Variants in SHISA9 observed in about 807,000 individuals in gnomAD.
SHISA9 encodes protein shisa-9.
Under a neutral mutation model 38.0 loss-of-function variants are expected in SHISA9, and 13 were observed. The observed-to-expected ratio is 0.34, with a 90% confidence interval of 0.22 to 0.54. SHISA9 has a LOEUF of 0.54. Among genes scored for constraint, SHISA9 ranks in the 20% least tolerant of loss-of-function variants. SHISA9 has a pLI of 0.91. For missense variants in SHISA9, 538 were observed against 575.8 expected (o/e 0.93, Z 0.67); for synonymous variants, 275 against 242.0 (o/e 1.14, Z -1.27).
intron 2 of SHISA9, among the ~76,000 whole-genome samples, chr16:13,138,721 T>C (rs2050371754): frequency 6.6e-6 from 1 of 152,216 alleles, no homozygotes; most frequent in South Asian, 2.1e-4. Context: ...ACATATCATC[T>C]CTTGTTCACA....
rs142083029 is a variant in SHISA9 at position 12,997,367 on chromosome 16, C to T, written c.691+80552C>T. Among the ~76,000 whole-genome samples, 189 of 149,958 alleles carry T rather than the reference C, an allele frequency of 1.3e-3. 1 individual carries two copies. Among genetic ancestry groups the T allele is most frequent in the African/African-American group, 4.2e-3 (172 of 40,994 alleles). ...ATACTGCAATTATCTATATAGTCTC[C>T]TGTTGACGACATTTGACATGTTTCC... On this transcript the variant is annotated intron_variant, in intron 2 of 4. Transcript: ENST00000558583.
the SHISA9 span, chr16:13,458,348 G>T: frequency 2.9e-6 from 1 of 339,876 alleles, no homozygotes; most frequent in South Asian, 2.5e-5. Context: ...CGTGATCACT[G>T]ATTTGGACCA....
the SHISA9 span, among the ~76,000 whole-genome samples, chr16:13,543,217 T>A: frequency 2.0e-5 from 3 of 152,146 alleles, no homozygotes; most frequent in Non-Finnish European, 2.9e-5. Context: ...AAGAAGATAA[T>A]TATATACAGT....
chr16:12,940,495 A>C (rs1045123768), intron 2 of SHISA9, among the ~76,000 whole-genome samples: 5 of 150,386 alleles, frequency 3.3e-5, no homozygotes, highest in African/African-American at 1.2e-4. Context: ...TTAAATGTCA[A>C]GCCAATCAGG....
chr16:13,137,524 C>G (rs1273024057), intron 2 of SHISA9, among the ~76,000 whole-genome samples: 1 of 148,372 alleles, frequency 6.7e-6, no homozygotes, highest in Non-Finnish European at 1.5e-5. Flanking sequence ...GGTGAGATCT[C>G]GGCTCACTGC....
At chr16:13,229,858 C>T (rs1461999616) in intron 4 of SHISA9, among the ~76,000 whole-genome samples, 1 of 152,168 alleles carries the variant, frequency 6.6e-6, no homozygotes, top group Non-Finnish European at 1.5e-5. Flanking sequence ...AGATGAGTAA[C>T]AGTAAACCTG....
the SHISA9 span, among the ~76,000 whole-genome samples, chr16:13,262,659 A>AG: frequency 0.011 from 841 of 79,128 alleles, 13 homozygotes; most frequent in Middle Eastern, 0.032. Flanking sequence ...GAAGGAAGGA[A>AG]GGAAGGAAGG....
chr16:13,549,094 T>C, the SHISA9 span, among the ~76,000 whole-genome samples: 1 of 152,202 alleles, frequency 6.6e-6, no homozygotes, highest in African/African-American at 2.4e-5. Flanking sequence ...ATCATTATGT[T>C]AAGTGAAATA....
At chr16:13,539,986 C>T in the SHISA9 span, among the ~76,000 whole-genome samples, 1 of 152,122 alleles carries the variant, frequency 6.6e-6, no homozygotes, top group Non-Finnish European at 1.5e-5. Flanking sequence ...TTTTCTTTAT[C>T]CAGTCCACTG....
At chr16:13,377,077 C>T in the SHISA9 span, among the ~76,000 whole-genome samples, 6 of 152,232 alleles carry the variant, frequency 3.9e-5, no homozygotes, top group East Asian at 3.9e-4. Context: ...GGAAGAATTG[C>T]GGGAAGGGTT....
chr16:13,112,598 A>G (rs922351954), intron 2 of SHISA9, among the ~76,000 whole-genome samples: 5 of 151,830 alleles, frequency 3.3e-5, no homozygotes, highest in African/African-American at 4.8e-5. Context: ...TTTATACAAT[A>G]CCTCTCATTG....
At chr16:13,294,921 T>C in the SHISA9 span, among the ~76,000 whole-genome samples, 23,982 of 152,192 alleles carry the variant, frequency 0.16, 2,157 homozygotes, top group Non-Finnish European at 0.2. Context: ...TTCTAACATT[T>C]ACATGTGGGA....
intron 3 of SHISA9, among the ~76,000 whole-genome samples, chr16:13,206,795 A>G (rs1246116799): frequency 6.6e-6 from 1 of 152,244 alleles, no homozygotes; most frequent in Non-Finnish European, 1.5e-5. Context: ...CCATGACCAC[A>G]GATTCCTTCT....
At chr16:13,265,256 T>C in the SHISA9 span, among the ~76,000 whole-genome samples, 1 of 113,576 alleles carries the variant, frequency 8.8e-6, no homozygotes, top group African/African-American at 3.5e-5. Context: ...TTCTTCCCCT[T>C]CCCTTGCCTT....
chr16:13,300,448 CGA>C, the SHISA9 span, among the ~76,000 whole-genome samples: 1 of 152,074 alleles, frequency 6.6e-6, no homozygotes, highest in Non-Finnish European at 1.5e-5. Flanking sequence ...GCATTTCCCT[CGA>C]CCTACTCTGT....
the SHISA9 span, among the ~76,000 whole-genome samples, chr16:13,520,301 C>G: frequency 6.6e-6 from 1 of 151,986 alleles, no homozygotes; most frequent in African/African-American, 2.4e-5. Context: ...TGATTGGGCA[C>G]GTAAAAAGTT....
the SHISA9 span, among the ~76,000 whole-genome samples, chr16:13,447,271 A>G: frequency 6.6e-6 from 1 of 152,218 alleles, no homozygotes; most frequent in African/African-American, 2.4e-5. Flanking sequence ...CCCAGTAGTC[A>G]GAAGCTGCAG....
chr16:12,932,037 T>C (rs2071468298), intron 2 of SHISA9, among the ~76,000 whole-genome samples: 1 of 152,170 alleles, frequency 6.6e-6, no homozygotes, highest in South Asian at 2.1e-4. Context: ...GGTTTTTTAA[T>C]AAAGTGCAGT....
intron 2 of SHISA9, among the ~76,000 whole-genome samples, chr16:12,931,194 G>A (rs1454279391): frequency 6.6e-6 from 1 of 152,222 alleles, no homozygotes; most frequent in Admixed American, 6.5e-5. Flanking sequence ...AGGGGATGGA[G>A]GGAGGAGGTT....
Sources: gnomAD v4.1 joint callset for allele counts (sites outside exome capture counted in the v4.1 genomes callset) on GRCh38, gnomAD v4.1.1 for gene constraint, MANE v1.5 for transcripts, NCBI Gene and HGNC (gene_info 2026-07-23, HGNC 2026-07-21) for gene names.